FRMD3: variants seen among roughly 807,000 people sequenced by gnomAD.
The protein encoded by FRMD3 is FERM domain-containing protein 3.
Under a neutral mutation model 70.2 loss-of-function variants are expected in FRMD3, and 33 were observed. The ratio of observed to expected loss-of-function variants is 0.47; its 90% CI spans 0.36 to 0.63. The LOEUF (loss-of-function observed/expected upper bound fraction) is 0.63, where lower values mean the gene tolerates loss of function less well. Ranked by LOEUF, FRMD3 falls within the 20% of genes least tolerant of loss-of-function variation. The pLI, the probability that FRMD3 is intolerant of heterozygous loss-of-function variation, is 0.00. For synonymous variants in FRMD3, 279 were observed against 255.9 expected, an observed-to-expected ratio of 1.09 and a Z score of -0.86; for missense variants, 632 against 711.4, an observed-to-expected ratio of 0.89 and a Z score of 1.27.
intron 1 of FRMD3, among the ~76,000 whole-genome samples, chr9:83,477,675 T>C (rs1217188734): frequency 1.3e-5 from 2 of 152,190 alleles, no homozygotes; most frequent in African/African-American, 4.8e-5. Context: ...TGATTGATCC[T>C]GGAGAGGAAG....
chr9:83,420,937 C>T (rs371420920), intron 1 of FRMD3, among the ~76,000 whole-genome samples: 3 of 107,718 alleles, frequency 2.8e-5, no homozygotes, highest in South Asian at 6.8e-4. Flanking sequence ...TTTCTTTCTT[C>T]TTTTTTTTTT....
rs1361969109 is a variant in FRMD3, at chr9:83,245,018, CAG to C, written c.*2898_*2899del. ...TTATTTATATCCACAAATGTACACTCAGTGGCATTTATGGAAAATTTAACCCT... is the reference window on the plus strand; with the variant it reads ...TTATTTATATCCACAAATGTACACTCTGGCATTTATGGAAAATTTAACCCT... On this transcript the variant is annotated 3_prime_UTR_variant, in exon 14 of 14. Transcript: ENST00000304195. 3 of 984,672 alleles carry C rather than the reference CAG, an allele frequency of 3.0e-6. No homozygotes were observed. Among genetic ancestry groups the C allele is most frequent in the Non-Finnish European group, 3.6e-6 (3 of 829,406 alleles). 61.0% of individuals were successfully genotyped at this position (984,672 alleles called of 1,614,324 possible). A position where few individuals can be genotyped will look rare whatever the true frequency, so the allele number is the denominator to read the frequency against.
At chr9:83,572,277 T>C in the FRMD3 span, among the ~76,000 whole-genome samples, 1 of 151,848 alleles carries the variant, frequency 6.6e-6, no homozygotes, top group African/African-American at 2.4e-5. Context: ...GAGATGGGGA[T>C]AGTGGAAATG....
At chr9:83,435,205 T>C (rs1827099512) in intron 1 of FRMD3, among the ~76,000 whole-genome samples, 1 of 152,176 alleles carries the variant, frequency 6.6e-6, no homozygotes, top group African/African-American at 2.4e-5. Flanking sequence ...GGAACCACTC[T>C]GCTACACACA....
chr9:83,353,544 G>A (rs1260497248), intron 3 of FRMD3, among the ~76,000 whole-genome samples: 2 of 152,156 alleles, frequency 1.3e-5, no homozygotes, highest in African/African-American at 2.4e-5. Context: ...TTTTCTGAGT[G>A]TGTGGATAAA....
chr9:83,470,557 T>C (rs1307151899), intron 1 of FRMD3, among the ~76,000 whole-genome samples: 1 of 152,224 alleles, frequency 6.6e-6, no homozygotes, highest in Non-Finnish European at 1.5e-5. Context: ...GAGACTGGAT[T>C]TGAATTGTCA....
At chr9:83,395,854 T>C (rs923391463) in intron 1 of FRMD3, among the ~76,000 whole-genome samples, 1 of 152,052 alleles carries the variant, frequency 6.6e-6, no homozygotes, top group African/African-American at 2.4e-5. Flanking sequence ...TAGACATTGG[T>C]TAAGTGGAAA....
the FRMD3 span, among the ~76,000 whole-genome samples, chr9:83,568,515 A>T: frequency 1.3e-5 from 2 of 152,234 alleles, no homozygotes; most frequent in Admixed American, 6.5e-5. Context: ...GGAAGATATT[A>T]TGCTGAGTGA....
intron 5 of FRMD3, 137 bp from the exon 6 acceptor site, chr9:83,335,776 A>AG: frequency 6.1e-6 from 4 of 657,522 alleles, no homozygotes; most frequent in Non-Finnish European, 5.0e-6. Context: ...CTGTACCCAG[A>AG]GAAAGCCTGA....
intron 13 of FRMD3, among the ~76,000 whole-genome samples, chr9:83,287,625 C>T (rs943018035): frequency 6.6e-6 from 1 of 152,234 alleles, no homozygotes; most frequent in African/African-American, 2.4e-5. Flanking sequence ...TTCCCTGAAA[C>T]CACACTCACA....
chr9:83,254,276 T>A (rs1832580785), intron 13 of FRMD3, among the ~76,000 whole-genome samples: 1 of 151,452 alleles, frequency 6.6e-6, no homozygotes, highest in African/African-American at 2.4e-5. Flanking sequence ...ATAAAAAAAA[T>A]AATAAAAGAA....
intron 1 of FRMD3, among the ~76,000 whole-genome samples, chr9:83,479,778 G>A (rs1345534900): frequency 9.1e-5 from 2 of 22,048 alleles, no homozygotes; most frequent in African/African-American, 6.2e-4. Context: ...AGGGAGGGAG[G>A]GAGGGAGGGA....
At chr9:83,489,015 T>TGTGTGCGC (rs539396863) in intron 1 of FRMD3, among the ~76,000 whole-genome samples, 119 of 131,690 alleles carry the variant, frequency 9.0e-4, no homozygotes, top group South Asian at 9.0e-3. Context: ...TGTGTGTGTG[T>TGTGTGCGC]GCTTGTGTGT....
At position 83,426,002 on chromosome 9, in the gene FRMD3, A is replaced by G. The variant is rs528206426; in HGVS notation, c.148-36294T>C. The stretch of plus-strand genomic sequence containing the variant: ...TTATTAAACCTCACAGGCTTAGTCC[A>G]TAAGAAATGTGTGCACATGTGCTCA... On this transcript the variant is annotated intron_variant, in intron 1 of 13. Coordinates refer to ENST00000304195, the MANE Select transcript of FRMD3 (RefSeq NM_174938.6). 2.6e-5 allele frequency among the ~76,000 whole-genome samples: 4 copies of G among 151,916 alleles called. No individual in the cohort carries two copies. The East Asian group carries it at 5.8e-4, about 22-fold the overall frequency.
intron 13 of FRMD3, among the ~76,000 whole-genome samples, chr9:83,287,539 CT>C (rs1458510626): frequency 6.6e-6 from 1 of 152,172 alleles, no homozygotes; most frequent in Non-Finnish European, 1.5e-5. Context: ...CTAAATTCTC[CT>C]GCAAATCACA....
intron 13 of FRMD3, among the ~76,000 whole-genome samples, chr9:83,269,175 C>T (rs1368650517): frequency 6.6e-6 from 1 of 152,142 alleles, no homozygotes; most frequent in Non-Finnish European, 1.5e-5. Flanking sequence ...TAGGCCATGG[C>T]TCAATACTGA....
chr9:83,305,578 C>T (rs1036694073), intron 10 of FRMD3, among the ~76,000 whole-genome samples: 3 of 152,154 alleles, frequency 2.0e-5, no homozygotes, highest in African/African-American at 7.2e-5. Context: ...CCAGGTCAGT[C>T]CCAGGCCCAT....
At chr9:83,352,796 C>T (rs1356298928) in intron 3 of FRMD3, among the ~76,000 whole-genome samples, 1 of 152,178 alleles carries the variant, frequency 6.6e-6, no homozygotes, top group African/African-American at 2.4e-5. Context: ...ACATAATCGT[C>T]GTCTCCTGTC....
intron 1 of FRMD3, among the ~76,000 whole-genome samples, chr9:83,485,989 CATT>C (rs1252851429): frequency 2.0e-5 from 3 of 151,818 alleles, no homozygotes; most frequent in Non-Finnish European, 4.4e-5. Context: ...ACATCATATA[CATT>C]ATGTATCTAT....
Sources: gnomAD v4.1 joint callset for allele counts (sites outside exome capture counted in the v4.1 genomes callset) on GRCh38, gnomAD v4.1.1 for gene constraint, MANE v1.5 for transcripts, NCBI Gene and HGNC (gene_info 2026-07-23, HGNC 2026-07-21) for gene names.